TIA1: variants seen among roughly 807,000 people sequenced by gnomAD.
TIA1 encodes cytotoxic granule associated RNA binding protein TIA1.
In TIA1, 23 loss-of-function variants were observed where a neutral mutation model predicts 65.9. The ratio of observed to expected loss-of-function variants is 0.35; its 90% CI spans 0.25 to 0.49. The LOEUF is 0.49. Ranked by LOEUF, TIA1 falls within the 20% of genes least tolerant of loss-of-function variation. The pLI is 0.98. For missense variants in TIA1, 371 were observed against 477.9 expected (o/e 0.78, Z 2.09); for synonymous variants, 147 against 149.4 (o/e 0.98, Z 0.12).
intron 3 of TIA1, 125 bp from the exon 4 acceptor site, chr2:70,229,443 T>A (rs1685167651): frequency 3.9e-6 from 3 of 766,310 alleles, no homozygotes; most frequent in Admixed American, 5.4e-5. Context: ...CCAGCTCTGG[T>A]CAAGTTTCAA....
chr2:70,222,148 C>A lies in TIA1; in HGVS notation c.474+2406G>T, dbSNP rs74264526. ...ACAAAAACAAAACAAAACAAACAAA[C>A]AAAAAAAAAACAATGAAGCAGTGGC... On this transcript the variant is annotated intron_variant, in intron 7 of 12. Transcript: ENST00000433529. Among the ~76,000 whole-genome samples the A allele has an allele frequency of 5.7e-3, 848 of 147,980 alleles. 6 individuals carry two copies. The highest frequency in any genetic ancestry group is 0.017 in the South Asian group (80 of 4,690).
chr2:70,212,657 C>T lies in TIA1; in HGVS notation c.*62G>A. The T allele has an allele frequency of 1.0e-6, 1 of 983,790 alleles. No individual in the cohort carries two copies. Among genetic ancestry groups the T allele is most frequent in the Non-Finnish European group, 1.6e-6 (1 of 608,304 alleles). The allele number at this position is 983,790 out of a possible 1,614,324, so 60.9% of individuals were successfully genotyped here. On this transcript the variant is annotated 3_prime_UTR_variant, in exon 13 of 13. Coordinates refer to ENST00000433529, the MANE Select transcript of TIA1 (RefSeq NM_022173.4). ...CTGATTTGATAAATCTTTAAGTAAA[C>T]AACGGCTTTACTACACTCCCTGTAG...
At chr2:70,213,345 C>CTTTT in intron 12 of TIA1, among the ~76,000 whole-genome samples, 1 of 137,294 alleles carries the variant, frequency 7.3e-6, no homozygotes, top group African/African-American at 2.6e-5. Context: ...CTTTTCTTTT[C>CTTTT]TTTTTTTTTT....
At chr2:70,234,186 G>C (rs1325327993) in intron 2 of TIA1, among the ~76,000 whole-genome samples, 1 of 152,168 alleles carries the variant, frequency 6.6e-6, no homozygotes. Context: ...GCCTTGCTTT[G>C]CCTCATTTCC....
In TIA1 at chr2:70,230,837, G is replaced by C. The variant is rs1327550207; in HGVS notation, c.141C>G (p.Pro47=). 6.2e-7 allele frequency: 1 copy of C among 1,611,134 alleles called. No individual in the cohort carries two copies. The change falls in exon 3 of 13, where the codon CCC becomes CCG. Residue 47 remains proline (P), a synonymous_variant. Transcript: ENST00000433529. ...GCTCATGAAACTCCACAAAACAATA[G>C]GGATCATTTCCAGCTGTCTGTGGGA... is the stretch of plus-strand genomic sequence containing the variant. ...KMIMDTAGND[P]YCFVEFHEHR...
chr2:70,248,312 A>C (rs991739470), intron 1 of TIA1, 93 bp downstream of exon 1: 5 of 1,427,448 alleles, frequency 3.5e-6, no homozygotes, highest in Admixed American at 2.2e-5. Context: ...CGCGGTGTCC[A>C]CGGAGAACAA....
rs774514562 is a variant in TIA1 at position 70,236,157 on chromosome 2, G to A, written c.45C>T (p.Ser15=). The change falls in exon 2 of 13, where the codon TCC becomes TCT. Residue 15 remains serine, a synonymous_variant. Coordinates refer to ENST00000433529, the MANE Select transcript of TIA1 (RefSeq NM_022173.4). ...GAATTAGAGCTTCTGTCACATCTCT[G>A]GAAAGGTTACCGACGTATCTGAAAC... is the stretch of plus-strand genomic sequence containing the variant. ...MPKTLYVGNL[S]RDVTEALILQ... is the part of the protein sequence containing the mutation. 1.2e-6 allele frequency: 2 copies of A among 1,610,876 alleles called. No individual in the cohort carries two copies. Among genetic ancestry groups the A allele is most frequent in the African/African-American group, 2.7e-5 (2 of 74,662 alleles).
intron 3 of TIA1, among the ~76,000 whole-genome samples, chr2:70,230,232 G>C (rs1219653386): frequency 3.2e-5 from 4 of 126,656 alleles, no homozygotes; most frequent in Admixed American, 8.1e-5. Context: ...AACAGAGAAA[G>C]ACCCAACTCA....
At chr2:70,220,095 C>T (rs1392789597) in intron 7 of TIA1, among the ~76,000 whole-genome samples, 1 of 151,986 alleles carries the variant, frequency 6.6e-6, no homozygotes, top group Non-Finnish European at 1.5e-5. Flanking sequence ...GCCCCAAATC[C>T]AATGACTCAA....
intron 5 of TIA1, chr2:70,228,778 G>T: frequency 7.5e-7 from 1 of 1,333,044 alleles, no homozygotes; most frequent in Non-Finnish European, 9.6e-7. Context: ...AAGCCCAAAT[G>T]GTGACCTCAA....
At chr2:70,245,003 T>C (rs1293448396) in intron 1 of TIA1, among the ~76,000 whole-genome samples, 1 of 152,052 alleles carries the variant, frequency 6.6e-6, no homozygotes, top group Non-Finnish European at 1.5e-5. Flanking sequence ...TAGCAATTAA[T>C]TGGGCTCCGT....
At chr2:70,233,764 T>TAA (rs528605670) in intron 2 of TIA1, among the ~76,000 whole-genome samples, 7 of 129,830 alleles carry the variant, frequency 5.4e-5, no homozygotes, top group Admixed American at 7.9e-5. Context: ...AGACTCTGTC[T>TAA]AAAAAAAAAA....
intron 7 of TIA1, among the ~76,000 whole-genome samples, chr2:70,218,715 G>GA (rs2104019586): frequency 6.6e-6 from 1 of 152,346 alleles, no homozygotes; most frequent in South Asian, 2.1e-4. Context: ...TTACAGGCGT[G>GA]AGCCACCGCA....
chr2:70,230,710 T>C, intron 3 of TIA1, 46 bp downstream of exon 3: 2 of 1,410,380 alleles, frequency 1.4e-6, no homozygotes, highest in Non-Finnish European at 1.9e-6. Context: ...ATATATAACT[T>C]AAATTTTTTC....
intron 2 of TIA1, among the ~76,000 whole-genome samples, chr2:70,234,751 G>A (rs1399592340): frequency 3.3e-5 from 5 of 151,976 alleles, no homozygotes; most frequent in African/African-American, 1.2e-4. Context: ...TAGTAGAGAC[G>A]GGGTTTCGCC....
chr2:70,216,720 T>C (rs1324665019), intron 8 of TIA1, 166 bp downstream of exon 8: 3 of 1,505,372 alleles, frequency 2.0e-6, no homozygotes, highest in Non-Finnish European at 2.7e-6. Flanking sequence ...AGAAATAATA[T>C]TATTTATAAT....
intron 11 of TIA1, 127 bp from the exon 12 acceptor site, chr2:70,214,621 G>T (rs1677744186): frequency 1.3e-4 from 55 of 439,298 alleles, no homozygotes; most frequent in East Asian, 4.1e-4. Context: ...GGATAAACAA[G>T]AGTTGACTGC....
At chr2:70,222,912 TC>T (rs1328046103) in intron 7 of TIA1, among the ~76,000 whole-genome samples, 1 of 151,408 alleles carries the variant, frequency 6.6e-6, no homozygotes, top group Non-Finnish European at 1.5e-5. Context: ...AAACTCCGTC[TC>T]AAAAAAAAAA....
intron 2 of TIA1, among the ~76,000 whole-genome samples, chr2:70,233,722 T>C (rs1308746404): frequency 6.7e-6 from 1 of 150,264 alleles, no homozygotes; most frequent in Non-Finnish European, 1.5e-5. Context: ...GCTGAGATCA[T>C]GCCATTGCAC....
Sources: allele counts gnomAD v4.1 joint callset (sites outside exome capture counted in the v4.1 genomes callset), GRCh38; gene constraint gnomAD v4.1.1; transcripts MANE v1.5; gene names NCBI Gene and HGNC (gene_info 2026-07-23, HGNC 2026-07-21).